The following RPL36 variants were observed in gnomAD, a reference collection of about 807,000 sequenced individuals.
RPL36 encodes large ribosomal subunit protein eL36.
For missense variants in RPL36, 131 were observed against 144.9 expected (o/e 0.90, Z 0.49); for synonymous variants, 74 against 56.0 (o/e 1.32, Z -1.44).
Position 5,691,793 on chromosome 19 carries a change from C to T in RPL36, c.*172C>T, listed in dbSNP as rs113495838. On this transcript the variant is annotated 3_prime_UTR_variant, in exon 4 of 4. Transcript: ENST00000347512. ...CCTGGTCGTGAATCAAAAGCCGTGG[C>T]CCGCCCACCCTTCCCGGGGCAGCAG... The T allele has an allele frequency of 3.2e-3, 2,774 of 867,262 alleles. 8 individuals carry two copies. The highest frequency in any genetic ancestry group is 4.4e-3 in the Non-Finnish European group (2,438 of 556,494). 53.7% of individuals were successfully genotyped at this position (867,262 alleles called of 1,614,324 possible).
chr19:5,691,514 C>T lies in RPL36; in HGVS notation c.229-18C>T, dbSNP rs747445237. ...ATGGGAGTCAGGGCCGGGCTGACGGCGGCCTCGTCCCTGGCAGGTGGGGAC... is the reference window on the plus strand; with the variant it reads ...ATGGGAGTCAGGGCCGGGCTGACGGTGGCCTCGTCCCTGGCAGGTGGGGAC... On this transcript the variant is annotated intron_variant, in intron 3 of 3. Coordinates refer to ENST00000347512, the MANE Select transcript of RPL36 (RefSeq NM_033643.3). 33 of 1,608,750 alleles carry T rather than the reference C, an allele frequency of 2.1e-5. No individual in the cohort carries two copies. Among genetic ancestry groups the T allele is most frequent in the Non-Finnish European group, 2.7e-5 (32 of 1,176,738 alleles).
chr19:5,691,253 G>T lies in RPL36; in HGVS notation c.94-66G>T, dbSNP rs2145570569. ...GTAGCCAGGGAAATCGCGGCAGCGC[G>T]AGAGAAGCTGCTTAACTAGAATGCA... On this transcript the variant is annotated intron_variant, in intron 2 of 3. Transcript: ENST00000347512. 2.5e-6 allele frequency: 4 copies of T among 1,607,490 alleles called. No individual in the cohort carries two copies. In the South Asian group the frequency reaches 3.3e-5, roughly 13 times the overall value.
rs748549876 is a variant in RPL36, at chr19:5,691,518, C to T, written c.229-14C>T. ...GAGTCAGGGCCGGGCTGACGGCGGCCTCGTCCCTGGCAGGTGGGGACGCAC... is the reference window on the plus strand; with the variant it reads ...GAGTCAGGGCCGGGCTGACGGCGGCTTCGTCCCTGGCAGGTGGGGACGCAC... On this transcript the variant is annotated splice_polypyrimidine_tract_variant and intron_variant, in intron 3 of 3. Transcript: ENST00000347512. The T allele has an allele frequency of 1.9e-6, 3 of 1,609,064 alleles. No homozygotes were observed. Among genetic ancestry groups the T allele is most frequent in the Non-Finnish European group, 2.5e-6 (3 of 1,176,848 alleles).
intron 2 of RPL36, 123 bp downstream of exon 2, chr19:5,690,723 T>C: frequency 2.6e-6 from 2 of 766,932 alleles, no homozygotes; most frequent in East Asian, 2.7e-5. Context: ...GGGGCTTGAA[T>C]GGAAGAGATG....
At chr19:5,691,139 C>T (rs1378146274) in intron 2 of RPL36, 180 bp from the exon 3 acceptor site, 2 of 821,238 alleles carry the variant, frequency 2.4e-6, no homozygotes, top group Non-Finnish European at 3.9e-6. Flanking sequence ...GAGACTGGGA[C>T]TTAGGGAGGA....
intron 2 of RPL36, chr19:5,690,879 G>A: frequency 1.7e-6 from 1 of 573,638 alleles, no homozygotes; most frequent in South Asian, 2.0e-5. Context: ...GCAGGAGTAG[G>A]AGTTCGCTCA....
chr19:5,690,553 A>G lies in RPL36; in HGVS notation c.46A>G (p.Lys16Glu), dbSNP rs1294522089. The change falls in exon 2 of 4, where the codon AAA (lysine) becomes GAA (glutamate). Residue 16 changes from lysine (K) to glutamate (E), a missense_variant. Transcript: ENST00000347512. The part of the protein sequence containing the change: ...PMAVGLNKGH[K>E]VTKNVSKPRH... Reference sequence around the variant, plus strand: ...GGCCGTGGGCCTCAACAAGGGCCACAAAGTGACCAAGAACGTGAGCAAGCC... The same window carrying G: ...GGCCGTGGGCCTCAACAAGGGCCACGAAGTGACCAAGAACGTGAGCAAGCC... 1.3e-6 allele frequency: 2 copies of G among 1,571,426 alleles called. No individual in the cohort carries two copies.
chr19:5,691,171 C>T (rs1332805235), intron 2 of RPL36, 148 bp from the exon 3 acceptor site: 10 of 1,171,892 alleles, frequency 8.5e-6, no homozygotes, highest in East Asian at 4.9e-5. Flanking sequence ...CCGGGCGCGG[C>T]GAAAAGCGCT....
chr19:5,690,451 C>A, intron 1 of RPL36, 55 bp from the exon 2 acceptor site: 1 of 1,363,200 alleles, frequency 7.3e-7, no homozygotes, highest in Non-Finnish European at 1.0e-6. Flanking sequence ...GGCTCTGGGC[C>A]TCGGGAACTG....
At chr19:5,690,981 G>C (rs1408340700) in intron 2 of RPL36, 1 of 529,838 alleles carries the variant, frequency 1.9e-6, no homozygotes, top group Non-Finnish European at 3.4e-6. Flanking sequence ...AGCGGGTTTG[G>C]GGTTCTGACG....
chr19:5,690,962 T>C (rs2054809666), intron 2 of RPL36: 2 of 504,428 alleles, frequency 4.0e-6, no homozygotes, highest in Non-Finnish European at 7.1e-6. Flanking sequence ...GCGCCTTTAT[T>C]AAGCGGGCAG....
At chr19:5,691,004 G>A in intron 2 of RPL36, 1 of 542,256 alleles carries the variant, frequency 1.8e-6, no homozygotes, top group East Asian at 3.2e-5. Flanking sequence ...GGAGTAAGGA[G>A]TTCGCTCATG....
intron 2 of RPL36, chr19:5,690,982 G>A (rs1350273295): frequency 9.4e-6 from 5 of 530,094 alleles, no homozygotes; most frequent in Non-Finnish European, 1.7e-5. Flanking sequence ...GCGGGTTTGG[G>A]GTTCTGACGC....
Position 5,691,311 on chromosome 19 carries a change from C to A in RPL36, c.94-8C>A. ...CCCTACCCTGACGGCCGCCCCTTTC[C>A]CCCCTAGCGTCTGACCAAACACACC... On this transcript the variant is annotated splice_polypyrimidine_tract_variant and splice_region_variant and intron_variant, in intron 2 of 3. Transcript: ENST00000347512. 1 of 1,610,184 alleles carries A rather than the reference C, an allele frequency of 6.2e-7. No individual in the cohort carries two copies. Among genetic ancestry groups the A allele is most frequent in the Non-Finnish European group, 8.5e-7 (1 of 1,177,992 alleles).
chr19:5,690,901 C>G, intron 2 of RPL36: 1 of 554,294 alleles, frequency 1.8e-6, no homozygotes, highest in East Asian at 3.1e-5. Flanking sequence ...GGAGCTGGCC[C>G]GAGGTTGCGG....
Position 5,691,221 on chromosome 19 carries a change from G to A in RPL36, c.94-98G>A, listed in dbSNP as rs367633857. 81 of 1,566,048 alleles carry A rather than the reference G, an allele frequency of 5.2e-5. No individual in the cohort carries two copies. In the African/African-American group the frequency reaches 9.9e-4, roughly 19 times the overall value. ...TGGTTCTCACAGCTACCCACAGAGGGGAGGAAGTAGCCAGGGAAATCGCGG... is the reference window on the plus strand; with the variant it reads ...TGGTTCTCACAGCTACCCACAGAGGAGAGGAAGTAGCCAGGGAAATCGCGG... On this transcript the variant is annotated intron_variant, in intron 2 of 3. Coordinates refer to ENST00000347512, the MANE Select transcript of RPL36 (RefSeq NM_033643.3).
At chr19:5,690,383 T>C in intron 1 of RPL36, 56 bp downstream of exon 1, 1 of 764,336 alleles carries the variant, frequency 1.3e-6, no homozygotes, top group Non-Finnish European at 2.3e-6. Flanking sequence ...CCGGGTCCTC[T>C]GTGCAGGTTG....
Position 5,691,725 on chromosome 19 carries a change from C to A in RPL36, c.*104C>A. ...TGGGTGTGTCGGGGGCCCGCAGTCCCCTGTCTGGTGCCCGCTCTGAGCCAC... is the reference window on the plus strand; with the variant it reads ...TGGGTGTGTCGGGGGCCCGCAGTCCACTGTCTGGTGCCCGCTCTGAGCCAC... On this transcript the variant is annotated 3_prime_UTR_variant, in exon 4 of 4. Coordinates refer to ENST00000347512, the MANE Select transcript of RPL36 (RefSeq NM_033643.3). 1 of 1,227,032 alleles carries A rather than the reference C, an allele frequency of 8.1e-7. No homozygotes were observed. Among genetic ancestry groups the A allele is most frequent in the Non-Finnish European group, 1.2e-6 (1 of 858,344 alleles). The allele number at this position is 1,227,032 out of a possible 1,614,324, so 76.0% of individuals were successfully genotyped here.
In RPL36 at chr19:5,691,614, A is replaced by G; in HGVS notation, c.311A>G (p.Lys104Arg). ...LAAMRKAAAK[K>R]D ...GCCATGAGGAAAGCTGCTGCCAAGA[A>G]AGACTGAGCCCCTCCCCTGCCCTCT... Residue 104 changes from lysine (K) to arginine (R), a missense_variant, in exon 4 of 4, where the codon AAA becomes AGA. By Grantham distance (26) the Lys-to-Arg change is conservative (BLOSUM62 2). Coordinates refer to ENST00000347512, the MANE Select transcript of RPL36 (RefSeq NM_033643.3). The G allele has an allele frequency of 6.2e-7, 1 of 1,608,708 alleles. No homozygotes were observed. The highest frequency in any genetic ancestry group is 8.5e-7 in the Non-Finnish European group (1 of 1,178,752).
Sources: gnomAD v4.1 joint callset for allele counts on GRCh38, gnomAD v4.1.1 for gene constraint, MANE v1.5 for transcripts, NCBI Gene and HGNC (gene_info 2026-07-23, HGNC 2026-07-21) for gene names.